The following LONP2 variants were observed in gnomAD, a reference collection of about 807,000 sequenced individuals.
LONP2 encodes the protein lon protease homolog 2, peroxisomal.
A neutral mutation model predicts 85.6 loss-of-function variants in LONP2; 60 were observed. The ratio of observed to expected loss-of-function variants is 0.70; its 90% CI spans 0.57 to 0.87. The LOEUF (loss-of-function observed/expected upper bound fraction) is 0.87, where lower values mean the gene tolerates loss of function less well. Among genes scored for constraint, LONP2 ranks in the 40% least tolerant of loss-of-function variants. The pLI is 0.00. For missense variants in LONP2, 860 were observed against 1,063.5 expected, an observed-to-expected ratio of 0.81 and a Z score of 2.66; for synonymous variants, 395 against 389.7, an observed-to-expected ratio of 1.01 and a Z score of -0.16.
At chr16:48,246,637 C>G (rs991559256) in intron 1 of LONP2, among the ~76,000 whole-genome samples, 1 of 152,134 alleles carries the variant, frequency 6.6e-6, no homozygotes, top group Non-Finnish European at 1.5e-5. Context: ...GTGGCGTGAT[C>G]GTAGCCCACC....
chr16:48,350,386 CA>C (rs71380339), intron 14 of LONP2, among the ~76,000 whole-genome samples: 1,985 of 127,538 alleles, frequency 0.016, 39 homozygotes, highest in African/African-American at 0.053. Flanking sequence ...AAGACTGTCT[CA>C]AAAAAAAAAA....
At chr16:48,255,965 A>G (rs1971750547) in intron 2 of LONP2, among the ~76,000 whole-genome samples, 1 of 152,252 alleles carries the variant, frequency 6.6e-6, no homozygotes, top group Non-Finnish European at 1.5e-5. Flanking sequence ...TATACTAAAT[A>G]TTAATATTTC....
chr16:48,303,680 G>A (rs1440786542), intron 11 of LONP2, among the ~76,000 whole-genome samples: 2 of 152,156 alleles, frequency 1.3e-5, no homozygotes, highest in Non-Finnish European at 2.9e-5. Context: ...GAGGAGCAAG[G>A]AAGCCAGTCC....
intron 11 of LONP2, among the ~76,000 whole-genome samples, chr16:48,328,690 A>G (rs2151020745): frequency 6.6e-6 from 1 of 151,212 alleles, no homozygotes; most frequent in South Asian, 2.1e-4. Flanking sequence ...AAAAAAAAAA[A>G]AAAAATTGGC....
At chr16:48,287,554 C>T (rs74016399) in intron 8 of LONP2, among the ~76,000 whole-genome samples, 1,864 of 152,272 alleles carry the variant, frequency 0.012, 40 homozygotes, top group African/African-American at 0.042. Context: ...TAAGGAACTG[C>T]CAGAGTCAAA....
At chr16:48,249,584 A>T (rs564987496) in intron 1 of LONP2, among the ~76,000 whole-genome samples, 43 of 152,224 alleles carry the variant, frequency 2.8e-4, no homozygotes, top group Non-Finnish European at 4.7e-4. Context: ...TTTAAAAGGG[A>T]TGTATTCTAG....
At chr16:48,344,610 A>G (rs904761988) in intron 12 of LONP2, 9 of 152,198 alleles carry the variant, frequency 5.9e-5, no homozygotes, top group African/African-American at 2.2e-4. Context: ...TCTTGAAGCA[A>G]CATGGTAATC....
At chr16:48,266,603 T>C (rs957809079) in intron 6 of LONP2, among the ~76,000 whole-genome samples, 6 of 152,212 alleles carry the variant, frequency 3.9e-5, no homozygotes, top group Admixed American at 3.9e-4. Flanking sequence ...AATGGAATCA[T>C]AGAGTATGAG....
Position 48,348,214 on chromosome 16 carries a change from C to T in LONP2, c.2261C>T (p.Ser754Leu), listed in dbSNP as rs749912983. The T allele has an allele frequency of 9.3e-6, 15 of 1,612,440 alleles. No homozygotes were observed. The highest frequency in any genetic ancestry group is 1.3e-5 in the Non-Finnish European group (15 of 1,179,632). Residue 754 changes from serine to leucine, a missense_variant, in exon 14 of 15, where the codon TCA (serine) becomes TTA (leucine). By Grantham distance (145) the Ser-to-Leu change is moderately radical (BLOSUM62 -2). Around this residue, in one of 3 missense-constraint regions of LONP2, gnomAD observed 115 missense variants for 129.0 expected, o/e 0.89. Transcript: ENST00000285737. ...AGVTIVTCLA[S>L]LFSGRLVRSD... ...GTTACCATAGTAACCTGTCTCGCCT[C>T]ACTTTTTAGTGGGCGGCTGGTACGT...
At chr16:48,340,150 T>C (rs972514626) in intron 12 of LONP2, among the ~76,000 whole-genome samples, 3 of 152,170 alleles carry the variant, frequency 2.0e-5, no homozygotes, top group Non-Finnish European at 4.4e-5. Context: ...CCAGCTGCCA[T>C]AAGCAGGGGC....
chr16:48,361,515 TG>T (rs544369413), downstream of LONP2: 1 of 1,544,274 alleles, frequency 6.5e-7, no homozygotes, highest in Admixed American at 1.7e-5. Context: ...GGCAGACAGA[TG>T]GGTGCCTTAT....
downstream of LONP2, among the ~76,000 whole-genome samples, chr16:48,357,986 T>C (rs997300193): frequency 2.0e-5 from 3 of 152,178 alleles, no homozygotes; most frequent in Admixed American, 6.5e-5. Context: ...ACCTACCCCA[T>C]GTACAGCCTC....
downstream of LONP2, chr16:48,361,530 C>T (rs757564810): frequency 3.8e-6 from 6 of 1,587,888 alleles, no homozygotes; most frequent in Non-Finnish European, 8.6e-7. Context: ...GCCTTATTTT[C>T]TGTGAAACTG....
Position 48,334,369 on chromosome 16 carries a change from C to T in LONP2, c.1938+11C>T. The T allele has an allele frequency of 6.2e-7, 1 of 1,614,064 alleles. No individual in the cohort carries two copies. Among genetic ancestry groups the T allele is most frequent in the Non-Finnish European group, 8.5e-7 (1 of 1,179,966 alleles). ...ATGTATGAAATGGAGGTGATTCATT[C>T]TTTTTATTTCTTTTTGCTCCAGTCA... On this transcript the variant is annotated intron_variant, in intron 12 of 14. Transcript: ENST00000285737.
chr16:48,323,671 A>C (rs1234632750), intron 11 of LONP2, among the ~76,000 whole-genome samples: 1 of 152,066 alleles, frequency 6.6e-6, no homozygotes, highest in Non-Finnish European at 1.5e-5. Context: ...AAAAAAAAAA[A>C]ACAACTAAAA....
intron 12 of LONP2, chr16:48,344,951 G>C (rs138744186): frequency 6.6e-6 from 1 of 151,612 alleles, no homozygotes; most frequent in African/African-American, 2.4e-5. Context: ...GGCTGGGCGC[G>C]GTCGCTAATG....
At chr16:48,347,913 T>A (rs1052393114) in intron 13 of LONP2, among the ~76,000 whole-genome samples, 187 bp from the exon 14 acceptor site, 26 of 152,268 alleles carry the variant, frequency 1.7e-4, no homozygotes, top group African/African-American at 6.0e-4. Flanking sequence ...AGGTTTATTT[T>A]GTTTTAATAC....
At chr16:48,330,140 CTAGT>C (rs774035549) in intron 11 of LONP2, among the ~76,000 whole-genome samples, 2 of 152,190 alleles carry the variant, frequency 1.3e-5, no homozygotes, top group Admixed American at 6.5e-5. Context: ...TTAAACTTTA[CTAGT>C]TATTTTGGTA....
At chr16:48,349,636 C>T (rs1960078360) in intron 14 of LONP2, among the ~76,000 whole-genome samples, 1 of 152,188 alleles carries the variant, frequency 6.6e-6, no homozygotes, top group South Asian at 2.1e-4. Flanking sequence ...CCTGTGAAAG[C>T]TGGAGAAAAC....
Sources: allele counts gnomAD v4.1 joint callset (sites outside exome capture counted in the v4.1 genomes callset), GRCh38; gene constraint gnomAD v4.1.1; regional missense constraint gnomAD v4.1.1; transcripts MANE v1.5; gene names NCBI Gene and HGNC (gene_info 2026-07-23, HGNC 2026-07-21).